The following NDST4 variants were observed in gnomAD, a reference collection of about 807,000 sequenced individuals.
NDST4 encodes the protein N-heparan sulfate sulfotransferase 4.
In NDST4, 63 loss-of-function variants were observed where a neutral mutation model predicts 100.8. That is an observed-to-expected ratio of 0.62 (90% confidence interval 0.51 to 0.77). NDST4 has a LOEUF of 0.77. Ranked by LOEUF, NDST4 falls within the 30% of genes least tolerant of loss-of-function variation. The pLI, the probability that NDST4 is intolerant of heterozygous loss-of-function variation, is 0.00. For synonymous variants in NDST4, 377 were observed against 361.8 expected, an observed-to-expected ratio of 1.04 and a Z score of -0.48; for missense variants, 943 against 1,018.4, an observed-to-expected ratio of 0.93 and a Z score of 1.01.
Position 114,834,666 on chromosome 4 carries a change from C to T in NDST4, c.2287-951G>A, listed in dbSNP as rs60477868. Among the ~76,000 whole-genome samples, 504 of 152,206 alleles carry T rather than the reference C, an allele frequency of 3.3e-3. 6 individuals are homozygous for T. The highest frequency in any genetic ancestry group is 0.012 in the African/African-American group (489 of 41,526). On this transcript the variant is annotated intron_variant, in intron 11 of 13. Transcript: ENST00000264363. ...GCCAGGTTTTGATATCAGGATGATG[C>T]TGGCCTTATAAAATGAGTTAGGGAG...
intron 2 of NDST4, among the ~76,000 whole-genome samples, chr4:114,992,612 C>T (rs1727066467): frequency 6.7e-6 from 1 of 150,198 alleles, no homozygotes; most frequent in Non-Finnish European, 1.5e-5. Flanking sequence ...TGCCACAAAA[C>T]TCAGATAGAA....
chr4:115,020,458 T>A (rs1304970082), intron 2 of NDST4, among the ~76,000 whole-genome samples: 1 of 152,074 alleles, frequency 6.6e-6, no homozygotes, highest in African/African-American at 2.4e-5. Context: ...CTACTTTAAA[T>A]CACACATAGG....
intron 5 of NDST4, 118 bp downstream of exon 5, chr4:114,937,200 A>G: frequency 4.0e-6 from 4 of 1,006,618 alleles, no homozygotes; most frequent in Non-Finnish European, 1.5e-6. Context: ...TATGTTAGGT[A>G]TTTCTGATAA....
At chr4:114,890,270 G>A (rs1247440480) in intron 6 of NDST4, among the ~76,000 whole-genome samples, 2 of 151,894 alleles carry the variant, frequency 1.3e-5, no homozygotes, top group Non-Finnish European at 2.9e-5. Flanking sequence ...TGGAGAATAA[G>A]GATATTTATA....
At chr4:114,886,405 A>T (rs1451262559) in intron 6 of NDST4, among the ~76,000 whole-genome samples, 1 of 152,102 alleles carries the variant, frequency 6.6e-6, no homozygotes, top group Non-Finnish European at 1.5e-5. Flanking sequence ...TTTATTGAGG[A>T]ACTCTTTAGA....
chr4:115,033,759 AACGATGTTTATC>A (rs1442456272), intron 2 of NDST4, among the ~76,000 whole-genome samples: 1 of 151,936 alleles, frequency 6.6e-6, no homozygotes, highest in African/African-American at 2.4e-5. Context: ...ATAACATTTG[AACGATGTTTATC>A]AAGCATTTAA....
intron 6 of NDST4, among the ~76,000 whole-genome samples, chr4:114,899,616 T>C (rs749038437): frequency 3.3e-5 from 5 of 152,166 alleles, no homozygotes; most frequent in Non-Finnish European, 7.3e-5. Flanking sequence ...CTTTCTTCTT[T>C]AGCCTGTTGG....
At chr4:115,101,298 A>T (rs568561003) in intron 1 of NDST4, among the ~76,000 whole-genome samples, 1 of 152,256 alleles carries the variant, frequency 6.6e-6, no homozygotes, top group South Asian at 2.1e-4. Flanking sequence ...AAATTATAAT[A>T]TATCATTTTT....
At chr4:114,950,183 T>A (rs972592530) in intron 4 of NDST4, among the ~76,000 whole-genome samples, 3 of 152,060 alleles carry the variant, frequency 2.0e-5, no homozygotes, top group Non-Finnish European at 4.4e-5. Flanking sequence ...CCACATGAGC[T>A]ACTTGATTCC....
At chr4:114,916,688 A>C (rs1314846331) in intron 6 of NDST4, among the ~76,000 whole-genome samples, 1 of 146,944 alleles carries the variant, frequency 6.8e-6, no homozygotes, top group Non-Finnish European at 1.5e-5. Flanking sequence ...TTTTTTTCTA[A>C]GTTATATTTT....
At chr4:114,939,301 T>C (rs970624500) in intron 4 of NDST4, among the ~76,000 whole-genome samples, 2 of 152,128 alleles carry the variant, frequency 1.3e-5, no homozygotes, top group Non-Finnish European at 2.9e-5. Context: ...TAAATAGAAT[T>C]TGTATGAATG....
chr4:115,055,409 A>G (rs1396342610), intron 2 of NDST4, among the ~76,000 whole-genome samples: 2 of 152,064 alleles, frequency 1.3e-5, no homozygotes, highest in African/African-American at 2.4e-5. Context: ...AAGATTGGGG[A>G]TCACTGGCTT....
chr4:115,109,014 A>G (rs925642260), intron 1 of NDST4, among the ~76,000 whole-genome samples: 4 of 151,200 alleles, frequency 2.6e-5, no homozygotes, highest in Non-Finnish European at 4.4e-5. Flanking sequence ...AAGAAGGAAG[A>G]AGGAAGGAAA....
intron 6 of NDST4, among the ~76,000 whole-genome samples, chr4:114,901,443 T>C (rs1724836311): frequency 6.6e-6 from 1 of 152,072 alleles, no homozygotes; most frequent in South Asian, 2.1e-4. Flanking sequence ...AGTTAATATA[T>C]CTACTGCCAC....
In NDST4 at chr4:114,845,819, A is replaced by G; in HGVS notation, c.2115+4T>C. The G allele has an allele frequency of 6.2e-7, 1 of 1,607,348 alleles. No individual in the cohort carries two copies. Among genetic ancestry groups the G allele is most frequent in the South Asian group, 1.1e-5 (1 of 90,260 alleles). On this transcript the variant is annotated splice_donor_region_variant and intron_variant, in intron 10 of 13. Coordinates refer to ENST00000264363, the MANE Select transcript of NDST4 (RefSeq NM_022569.3). ...CTTTTAGCCGATTTTTTTACTGACCATACCTGGTACCAAGAGTATGCCCTG... is the reference window on the plus strand; with the variant it reads ...CTTTTAGCCGATTTTTTTACTGACCGTACCTGGTACCAAGAGTATGCCCTG...
chr4:114,901,541 T>C (rs1399969090), intron 6 of NDST4, among the ~76,000 whole-genome samples: 1 of 152,028 alleles, frequency 6.6e-6, no homozygotes, highest in Non-Finnish European at 1.5e-5. Flanking sequence ...AGTGAATTTC[T>C]TGTAGACGAC....
At chr4:115,004,335 A>G (rs1727364755) in intron 2 of NDST4, among the ~76,000 whole-genome samples, 1 of 152,208 alleles carries the variant, frequency 6.6e-6, no homozygotes, top group African/African-American at 2.4e-5. Flanking sequence ...AACAATAAAT[A>G]TATAAGAATT....
intron 1 of NDST4, among the ~76,000 whole-genome samples, chr4:115,078,115 T>C (rs532974406): frequency 1.3e-5 from 2 of 152,300 alleles, no homozygotes; most frequent in East Asian, 1.9e-4. Context: ...TTTGTTCTTG[T>C]ATTGCTCTAA....
At chr4:114,956,168 G>C (rs1726135169) in intron 4 of NDST4, among the ~76,000 whole-genome samples, 1 of 152,112 alleles carries the variant, frequency 6.6e-6, no homozygotes, top group Non-Finnish European at 1.5e-5. Context: ...GAGAGTAATA[G>C]GGGCTACTAC....
Sources: gnomAD v4.1 joint callset for allele counts (sites outside exome capture counted in the v4.1 genomes callset) on GRCh38, gnomAD v4.1.1 for gene constraint, MANE v1.5 for transcripts, NCBI Gene and HGNC (gene_info 2026-07-23, HGNC 2026-07-21) for gene names.